COL19A1: variants seen among roughly 807,000 people sequenced by gnomAD.
COL19A1 encodes collagen alpha-1(XIX) chain.
In COL19A1, 159 loss-of-function variants were observed where a neutral mutation model predicts 190.2. That is an observed-to-expected ratio of 0.84 (90% confidence interval 0.73 to 0.95). COL19A1 has a LOEUF of 0.95. COL19A1 is among the 40% of genes least tolerant of loss of function. COL19A1 has a pLI of 0.00. For synonymous variants in COL19A1, 509 were observed against 458.9 expected (o/e 1.11, Z -1.39); for missense variants, 1,418 against 1,431.9 (o/e 0.99, Z 0.16).
intron 49 of COL19A1, among the ~76,000 whole-genome samples, chr6:70,200,777 A>C (rs1169685668): frequency 6.6e-6 from 1 of 152,204 alleles, no homozygotes; most frequent in Non-Finnish European, 1.5e-5. Context: ...TTCAGTTCCC[A>C]ATAGCAGTGC....
chr6:70,161,544 T>C (rs1382593262), intron 34 of COL19A1, among the ~76,000 whole-genome samples: 1 of 151,892 alleles, frequency 6.6e-6, no homozygotes, highest in Non-Finnish European at 1.5e-5. Flanking sequence ...GCATACAGAG[T>C]GATATAATGG....
chr6:69,962,474 T>C (rs902266623), intron 10 of COL19A1, among the ~76,000 whole-genome samples: 2 of 152,190 alleles, frequency 1.3e-5, no homozygotes, highest in Non-Finnish European at 2.9e-5. Context: ...ATAAGAAGAA[T>C]GGCTAACTTA....
rs181304051 is a variant in COL19A1, at chr6:69,902,639, G to T, written c.266+2301G>T. Among the ~76,000 whole-genome samples, 427 of 152,238 alleles carry T rather than the reference G, an allele frequency of 2.8e-3. 3 individuals carry two copies. The highest frequency in any genetic ancestry group is 9.7e-3 in the African/African-American group (401 of 41,522). ...GCAATAGTATCACACCTTATCAGTT[G>T]CCCATGGTTCTTTTGGGTCCTGTAC... On this transcript the variant is annotated intron_variant, in intron 4 of 50. Coordinates refer to ENST00000620364, the MANE Select transcript of COL19A1 (RefSeq NM_001858.6).
At chr6:70,118,418 A>G (rs1459734152) in intron 16 of COL19A1, among the ~76,000 whole-genome samples, 6 of 152,230 alleles carry the variant, frequency 3.9e-5, no homozygotes, top group Admixed American at 3.3e-4. Context: ...GGGGACTTCC[A>G]GAAGACTCTA....
intron 48 of COL19A1, among the ~76,000 whole-genome samples, chr6:70,191,703 C>A (rs1223694484): frequency 6.6e-6 from 1 of 152,224 alleles, no homozygotes; most frequent in African/African-American, 2.4e-5. Context: ...TTGCTAAAAT[C>A]AAGATTACTC....
intron 27 of COL19A1, among the ~76,000 whole-genome samples, chr6:70,147,684 A>G (rs1019511677): frequency 8.5e-5 from 13 of 152,144 alleles, no homozygotes; most frequent in Non-Finnish European, 1.3e-4. Context: ...CAATTCCCCA[A>G]TGGACATCAA....
At chr6:70,100,700 T>A (rs1195848571) in intron 15 of COL19A1, among the ~76,000 whole-genome samples, 1 of 152,024 alleles carries the variant, frequency 6.6e-6, no homozygotes, top group Non-Finnish European at 1.5e-5. Flanking sequence ...TTCTCCATGT[T>A]GGCCTGACCT....
intron 14 of COL19A1, among the ~76,000 whole-genome samples, chr6:70,048,923 T>A (rs1780046955): frequency 1.3e-5 from 2 of 152,098 alleles, no homozygotes; most frequent in Admixed American, 6.6e-5. Flanking sequence ...TATAATTTTC[T>A]GATGGCATTT....
intron 2 of COL19A1, among the ~76,000 whole-genome samples, chr6:69,888,992 A>G (rs1769142731): frequency 6.6e-6 from 1 of 152,218 alleles, no homozygotes; most frequent in Non-Finnish European, 1.5e-5. Flanking sequence ...CAAGGAAACA[A>G]AGAGCCTTTA....
At chr6:70,130,103 T>G in intron 17 of COL19A1, 79 bp from the exon 18 acceptor site, 1 of 1,480,968 alleles carries the variant, frequency 6.8e-7, no homozygotes, top group Non-Finnish European at 9.3e-7. Flanking sequence ...ATTATCTGAC[T>G]GCTTATACTG....
intron 11 of COL19A1, among the ~76,000 whole-genome samples, chr6:69,974,561 GA>G (rs1241332141): frequency 1.3e-5 from 2 of 152,182 alleles, no homozygotes; most frequent in Non-Finnish European, 2.9e-5. Flanking sequence ...TAAGTTAGTG[GA>G]AAGTTAGGAA....
intron 11 of COL19A1, among the ~76,000 whole-genome samples, chr6:69,990,495 C>A (rs938525969): frequency 6.6e-6 from 1 of 152,006 alleles, no homozygotes; most frequent in African/African-American, 2.4e-5. Context: ...GGTTGCTGTG[C>A]TTTTGATGGT....
intron 15 of COL19A1, among the ~76,000 whole-genome samples, chr6:70,069,011 G>A (rs1462604679): frequency 2.0e-5 from 3 of 152,034 alleles, no homozygotes; most frequent in South Asian, 2.1e-4. Context: ...ACAGTAAAAC[G>A]AAGCCCTGCA....
chr6:70,191,254 T>A (rs1407773172), intron 48 of COL19A1, among the ~76,000 whole-genome samples: 1 of 152,240 alleles, frequency 6.6e-6, no homozygotes, highest in Non-Finnish European at 1.5e-5. Context: ...CAGCCCTGGA[T>A]CTTCCTTATA....
chr6:69,869,527 C>A, intron 1 of COL19A1, among the ~76,000 whole-genome samples: 1 of 150,948 alleles, frequency 6.6e-6, no homozygotes, highest in African/African-American at 2.5e-5. Flanking sequence ...ATTATTAGAT[C>A]AGAAAACCAG....
At chr6:69,945,701 A>G (rs1366503767) in intron 9 of COL19A1, among the ~76,000 whole-genome samples, 1 of 152,008 alleles carries the variant, frequency 6.6e-6, no homozygotes, top group African/African-American at 2.4e-5. Context: ...CCAATTTGAT[A>G]TAATCTCATG....
intron 11 of COL19A1, among the ~76,000 whole-genome samples, chr6:70,013,611 G>T (rs1778025615): frequency 3.0e-5 from 1 of 32,828 alleles, no homozygotes; most frequent in Non-Finnish European, 4.5e-5. Flanking sequence ...AGAAAATCTA[G>T]AAGAAATGGA....
At chr6:70,009,539 G>T (rs568474988) in intron 11 of COL19A1, among the ~76,000 whole-genome samples, 28 of 152,168 alleles carry the variant, frequency 1.8e-4, no homozygotes, top group Non-Finnish European at 2.9e-5. Context: ...TTGATCTATA[G>T]ATTCAAGGAA....
At chr6:69,914,279 A>T (rs1160457117) in intron 4 of COL19A1, among the ~76,000 whole-genome samples, 1 of 152,270 alleles carries the variant, frequency 6.6e-6, no homozygotes, top group African/African-American at 2.4e-5. Flanking sequence ...AACATCATCA[A>T]CCAGCCTGGG....
Sources: allele counts gnomAD v4.1 joint callset (sites outside exome capture counted in the v4.1 genomes callset), GRCh38; gene constraint gnomAD v4.1.1; transcripts MANE v1.5; gene names NCBI Gene and HGNC (gene_info 2026-07-23, HGNC 2026-07-21).